The following SLC35F1 variants were observed in gnomAD, a reference collection of about 807,000 sequenced individuals.
The protein encoded by SLC35F1 is solute carrier family 35 member F1.
Under a neutral mutation model 48.7 loss-of-function variants are expected in SLC35F1, and 14 were observed. That is an observed-to-expected ratio of 0.29 (90% CI 0.19 to 0.45). SLC35F1 has a LOEUF of 0.45. Ranked by LOEUF, SLC35F1 falls within the 20% of genes least tolerant of loss-of-function variation. SLC35F1 has a pLI of 1.00. For missense variants in SLC35F1, 404 were observed against 500.0 expected, an observed-to-expected ratio of 0.81 and a Z score of 1.83; for synonymous variants, 190 against 202.2, an observed-to-expected ratio of 0.94 and a Z score of 0.51.
intron 2 of SLC35F1, among the ~76,000 whole-genome samples, chr6:118,232,548 C>CAAA (rs771123566): frequency 3.7e-4 from 19 of 50,706 alleles, no homozygotes; most frequent in East Asian, 1.4e-3. Flanking sequence ...AACTCCATCC[C>CAAA]AAAAAAAAAA....
At chr6:118,117,918 CT>C (rs1223731363) in intron 1 of SLC35F1, among the ~76,000 whole-genome samples, 2 of 152,036 alleles carry the variant, frequency 1.3e-5, no homozygotes, top group African/African-American at 4.8e-5. Context: ...TATTTCATAC[CT>C]TTTTATTGCT....
At chr6:117,919,744 A>G (rs1216644931) in intron 1 of SLC35F1, among the ~76,000 whole-genome samples, 2 of 152,220 alleles carry the variant, frequency 1.3e-5, no homozygotes, top group Non-Finnish European at 2.9e-5. Flanking sequence ...GTATTTAATA[A>G]AAGTATAAAT....
intron 1 of SLC35F1, among the ~76,000 whole-genome samples, chr6:118,132,575 C>A (rs1773730900): frequency 6.6e-6 from 1 of 152,304 alleles, no homozygotes; most frequent in South Asian, 2.1e-4. Flanking sequence ...GAGTGCATGG[C>A]ACATAGTAAA....
intron 1 of SLC35F1, among the ~76,000 whole-genome samples, chr6:117,983,653 T>G (rs1437589888): frequency 3.9e-5 from 6 of 152,136 alleles, no homozygotes; most frequent in Non-Finnish European, 8.8e-5. Context: ...GGAAAAAAAG[T>G]TTTTTCCTGA....
At chr6:118,136,287 G>C (rs1047191206) in intron 1 of SLC35F1, among the ~76,000 whole-genome samples, 1 of 152,198 alleles carries the variant, frequency 6.6e-6, no homozygotes, top group South Asian at 2.1e-4. Flanking sequence ...AACTCATTGA[G>C]CATGCTGTTT....
At chr6:117,959,692 A>C (rs1017392673) in intron 1 of SLC35F1, among the ~76,000 whole-genome samples, 53 of 152,276 alleles carry the variant, frequency 3.5e-4, no homozygotes, top group African/African-American at 1.3e-3. Flanking sequence ...GGCATTTGAA[A>C]TTCCTCCCCT....
chr6:118,122,840 T>C (rs1773572163), intron 1 of SLC35F1, among the ~76,000 whole-genome samples: 1 of 152,140 alleles, frequency 6.6e-6, no homozygotes, highest in Admixed American at 6.6e-5. Context: ...GCCCGACACC[T>C]AATAGAGGCC....
intron 1 of SLC35F1, among the ~76,000 whole-genome samples, chr6:118,004,373 A>T (rs1246609198): frequency 6.6e-6 from 1 of 152,166 alleles, no homozygotes; most frequent in Admixed American, 6.5e-5. Context: ...AGTTTTAGTG[A>T]TGACTGAAAG....
intron 2 of SLC35F1, among the ~76,000 whole-genome samples, chr6:118,177,355 A>G (rs1192884737): frequency 6.6e-6 from 1 of 152,144 alleles, no homozygotes; most frequent in Non-Finnish European, 1.5e-5. Context: ...TATCTTAGAC[A>G]AATTTTATCT....
chr6:118,231,603 T>G (rs1336364051), intron 2 of SLC35F1, among the ~76,000 whole-genome samples: 1 of 152,226 alleles, frequency 6.6e-6, no homozygotes, highest in Admixed American at 6.5e-5. Context: ...ATGTTGTCTA[T>G]TTTCAGGTAC....
At chr6:118,107,100 CT>C (rs1773336989) in intron 1 of SLC35F1, among the ~76,000 whole-genome samples, 1 of 152,132 alleles carries the variant, frequency 6.6e-6, no homozygotes, top group Admixed American at 6.6e-5. Context: ...GGGATCTAGC[CT>C]GTCTTGTTTG....
chr6:118,200,589 A>G (rs965741384), intron 2 of SLC35F1, among the ~76,000 whole-genome samples: 1 of 152,192 alleles, frequency 6.6e-6, no homozygotes, highest in Non-Finnish European at 1.5e-5. Context: ...ATCACCTTAT[A>G]TCTAAAGGAA....
Position 118,029,707 on chromosome 6 carries a change from T to C in SLC35F1, c.173+121808T>C, listed in dbSNP as rs117266677. 6.4e-4 allele frequency among the ~76,000 whole-genome samples: 97 copies of C among 152,320 alleles called. 1 individual carries two copies. The East Asian group carries it at 0.017, about 26-fold the overall frequency. ...CCCAACTTGTGTTCTCTGACAGTTA[T>C]TAGTAATGCTACAAAATTTTATACT... On this transcript the variant is annotated intron_variant, in intron 1 of 7. Transcript: ENST00000360388.
intron 1 of SLC35F1, among the ~76,000 whole-genome samples, chr6:117,913,272 G>A (rs1203002891): frequency 1.3e-5 from 2 of 152,166 alleles, no homozygotes; most frequent in African/African-American, 4.8e-5. Flanking sequence ...TTTTGGGCAT[G>A]TTTCTTAATG....
chr6:118,094,477 T>G (rs4492222), intron 1 of SLC35F1, among the ~76,000 whole-genome samples: 149,479 of 152,214 alleles, frequency 0.98, 73,466 homozygotes, highest in Middle Eastern at 1. Context: ...AGGAAGATGG[T>G]GTGGGATTAT....
intron 1 of SLC35F1, among the ~76,000 whole-genome samples, chr6:118,022,707 A>G (rs1244678778): frequency 1.3e-5 from 2 of 152,058 alleles, no homozygotes; most frequent in African/African-American, 2.4e-5. Flanking sequence ...AGGGAATAGA[A>G]ATCATGAATG....
intron 7 of SLC35F1, among the ~76,000 whole-genome samples, chr6:118,294,919 A>G (rs1162530344): frequency 6.6e-6 from 1 of 152,108 alleles, no homozygotes; most frequent in Non-Finnish European, 1.5e-5. Flanking sequence ...TTTCATGTGC[A>G]TGTTTTCATT....
At chr6:117,989,220 T>C (rs562214746) in intron 1 of SLC35F1, among the ~76,000 whole-genome samples, 1 of 152,358 alleles carries the variant, frequency 6.6e-6, no homozygotes, top group Non-Finnish European at 1.5e-5. Context: ...AGCCTCTGTT[T>C]CCAGACAAAA....
chr6:118,257,300 A>T (rs1775658139), intron 3 of SLC35F1, among the ~76,000 whole-genome samples: 1 of 152,106 alleles, frequency 6.6e-6, no homozygotes, highest in African/African-American at 2.4e-5. Flanking sequence ...AAGAAAACTA[A>T]AAGTTTTGAG....
Sources: allele counts gnomAD v4.1 joint callset (sites outside exome capture counted in the v4.1 genomes callset), GRCh38; gene constraint gnomAD v4.1.1; transcripts MANE v1.5; gene names NCBI Gene and HGNC (gene_info 2026-07-23, HGNC 2026-07-21).